The following TMEM163 variants were observed in gnomAD, a reference collection of about 807,000 sequenced individuals.
TMEM163 encodes the protein transmembrane protein 163.
Under a neutral mutation model 29.3 loss-of-function variants are expected in TMEM163, and 17 were observed. The ratio of observed to expected loss-of-function variants is 0.58; its 90% confidence interval spans 0.40 to 0.87. The LOEUF (loss-of-function observed/expected upper bound fraction) is 0.87. TMEM163 is among the 40% of genes least tolerant of loss of function. The pLI is 0.00. For missense variants in TMEM163, 303 were observed against 381.5 expected, an observed-to-expected ratio of 0.79 and a Z score of 1.71; for synonymous variants, 157 against 160.6, an observed-to-expected ratio of 0.98 and a Z score of 0.17.
intron 5 of TMEM163, among the ~76,000 whole-genome samples, chr2:134,483,301 G>A (rs1005602783): frequency 3.3e-5 from 5 of 152,098 alleles, no homozygotes; most frequent in South Asian, 2.1e-4. Context: ...CCTGGTGGCC[G>A]TCGGGCATTT....
At chr2:134,623,549 C>T (rs550495148) in intron 2 of TMEM163, among the ~76,000 whole-genome samples, 1 of 152,258 alleles carries the variant, frequency 6.6e-6, no homozygotes, top group East Asian at 1.9e-4. Context: ...GGGCAGATCA[C>T]ATGAGGTCGG....
chr2:134,509,457 C>A (rs1574191252), intron 4 of TMEM163, among the ~76,000 whole-genome samples: 1 of 152,246 alleles, frequency 6.6e-6, no homozygotes, highest in Non-Finnish European at 1.5e-5. Flanking sequence ...CCAATCAATG[C>A]GCCATTTCCT....
In TMEM163 at chr2:134,649,058, G is replaced by C. The variant is rs116129856; in HGVS notation, c.322+64142C>G. 6.6e-3 allele frequency among the ~76,000 whole-genome samples: 1,000 copies of C among 152,192 alleles called. 10 individuals are homozygous for C. Among genetic ancestry groups the C allele is most frequent in the African/African-American group, 0.023 (946 of 41,510 alleles). On this transcript the variant is annotated intron_variant, in intron 2 of 7. Transcript: ENST00000281924. ...CTGGAGACATAATTCTCAGACCTGCGACATATCAAAAAGTTTAACACATTT... is the reference window on the plus strand; with the variant it reads ...CTGGAGACATAATTCTCAGACCTGCCACATATCAAAAAGTTTAACACATTT...
rs573902525 is a variant in TMEM163, at chr2:134,654,114, G to A, written c.322+59086C>T. Among the ~76,000 whole-genome samples, 201 of 92,666 alleles carry A rather than the reference G, an allele frequency of 2.2e-3. 54 individuals carry two copies. The highest frequency in any genetic ancestry group is 0.01 in the African/African-American group (194 of 18,630). 60.8% of individuals were successfully genotyped at this position (92,666 alleles called of 152,430 possible). A position where few individuals can be genotyped will look rare whatever the true frequency, so the allele number is the denominator to read the frequency against. On this transcript the variant is annotated intron_variant, in intron 2 of 7. Coordinates refer to ENST00000281924, the MANE Select transcript of TMEM163 (RefSeq NM_030923.5). Reference sequence around the variant, plus strand: ...TCCTGGGTATCCTTGTTGACTTTCTGTCTCGTTGATCTGTCTAATGTTGAC... The same window carrying A: ...TCCTGGGTATCCTTGTTGACTTTCTATCTCGTTGATCTGTCTAATGTTGAC...
At chr2:134,562,569 G>T (rs1681206032) in intron 2 of TMEM163, among the ~76,000 whole-genome samples, 2 of 152,212 alleles carry the variant, frequency 1.3e-5, no homozygotes, top group Non-Finnish European at 2.9e-5. Flanking sequence ...GGTTTGAAAA[G>T]TCGCTTAAGA....
At chr2:134,461,837 G>A (rs1328645446) in intron 6 of TMEM163, among the ~76,000 whole-genome samples, 1 of 152,210 alleles carries the variant, frequency 6.6e-6, no homozygotes, top group Non-Finnish European at 1.5e-5. Flanking sequence ...TCCCACAAAG[G>A]GGATGCTTGG....
At chr2:134,688,679 T>C (rs1295348850) in intron 2 of TMEM163, among the ~76,000 whole-genome samples, 1 of 152,202 alleles carries the variant, frequency 6.6e-6, no homozygotes, top group Non-Finnish European at 1.5e-5. Flanking sequence ...GCAACAGACA[T>C]TGAGCAGCAA....
At position 134,455,900 on chromosome 2, in the gene TMEM163, G is replaced by GTTCC. The variant is rs565140075; in HGVS notation, c.*812_*815dup. Reference sequence around the variant, plus strand: ...CCGTGACATCAGCTGAGAACGTCTTGTTCCTTACAGAGGGAGCGATCCATC... The same window carrying GTTCC: ...CCGTGACATCAGCTGAGAACGTCTTGTTCCTTCCTTACAGAGGGAGCGATCCATC... On this transcript the variant is annotated 3_prime_UTR_variant, in exon 8 of 8. Coordinates refer to ENST00000281924, the MANE Select transcript of TMEM163 (RefSeq NM_030923.5). 121 of 152,570 alleles carry GTTCC rather than the reference G, an allele frequency of 7.9e-4. 1 individual carries two copies. The highest frequency in any genetic ancestry group is 2.8e-3 in the African/African-American group (118 of 41,496). 9.5% of individuals were successfully genotyped at this position (152,570 alleles called of 1,614,324 possible).
intron 2 of TMEM163, among the ~76,000 whole-genome samples, chr2:134,590,743 T>C (rs1339420210): frequency 6.6e-6 from 1 of 152,110 alleles, no homozygotes; most frequent in African/African-American, 2.4e-5. Context: ...TTAGACCATA[T>C]AGGGTAACTC....
At chr2:134,606,713 T>A (rs1471357679) in intron 2 of TMEM163, among the ~76,000 whole-genome samples, 1 of 150,976 alleles carries the variant, frequency 6.6e-6, no homozygotes, top group African/African-American at 2.4e-5. Context: ...ATCAAGAGGG[T>A]CAGTAACAAG....
chr2:134,659,502 C>T (rs970097212), intron 2 of TMEM163, among the ~76,000 whole-genome samples: 25 of 152,146 alleles, frequency 1.6e-4, no homozygotes, highest in African/African-American at 6.0e-4. Context: ...GTGTGGATGG[C>T]AGGGACCTCC....
chr2:134,537,076 G>A (rs1202752610), intron 4 of TMEM163, among the ~76,000 whole-genome samples: 1 of 152,136 alleles, frequency 6.6e-6, no homozygotes, highest in African/African-American at 2.4e-5. Flanking sequence ...CACTGTTCTG[G>A]TCTCAAAGGT....
chr2:134,555,736 A>C (rs1681035388), intron 2 of TMEM163, among the ~76,000 whole-genome samples: 1 of 152,156 alleles, frequency 6.6e-6, no homozygotes, highest in Non-Finnish European at 1.5e-5. Flanking sequence ...TTTTATTATT[A>C]ATTTATTTTA....
intron 4 of TMEM163, among the ~76,000 whole-genome samples, chr2:134,547,842 GGGA>G (rs1345519412): frequency 6.6e-6 from 1 of 152,144 alleles, no homozygotes; most frequent in African/African-American, 2.4e-5. Context: ...ACCTGTTTGG[GGGA>G]TTATTAAAAA....
chr2:134,514,884 G>A (rs1019294008), intron 4 of TMEM163, among the ~76,000 whole-genome samples: 9 of 152,186 alleles, frequency 5.9e-5, no homozygotes, highest in African/African-American at 1.9e-4. Flanking sequence ...AGTGGTCCTA[G>A]GAGAGGAGCT....
intron 2 of TMEM163, among the ~76,000 whole-genome samples, chr2:134,629,103 T>C (rs1470469434): frequency 6.6e-6 from 1 of 152,204 alleles, no homozygotes; most frequent in Non-Finnish European, 1.5e-5. Context: ...TTACATGTAT[T>C]ACCTCATTTG....
chr2:134,541,771 TGCAC>T (rs968059562), intron 4 of TMEM163, among the ~76,000 whole-genome samples: 5 of 87,452 alleles, frequency 5.7e-5, no homozygotes, highest in South Asian at 6.2e-4. Context: ...TGTACACACG[TGCAC>T]ACACACACAC....
intron 5 of TMEM163, among the ~76,000 whole-genome samples, chr2:134,481,379 G>GC (rs984591829): frequency 2.4e-5 from 1 of 41,944 alleles, no homozygotes. Flanking sequence ...TTGAATCATG[G>GC]GGGGGGGGGG....
At chr2:134,516,605 G>A (rs1680062547) in intron 4 of TMEM163, among the ~76,000 whole-genome samples, 1 of 147,524 alleles carries the variant, frequency 6.8e-6, no homozygotes, top group South Asian at 2.1e-4. Context: ...TCATATATAT[G>A]TTCATAAATA....
Sources: allele counts gnomAD v4.1 joint callset (sites outside exome capture counted in the v4.1 genomes callset), GRCh38; gene constraint gnomAD v4.1.1; transcripts MANE v1.5; gene names NCBI Gene and HGNC (gene_info 2026-07-23, HGNC 2026-07-21).